The following JDP2 variants were observed in gnomAD, a reference collection of about 807,000 sequenced individuals.
JDP2 encodes progesterone receptor co-activator.
In JDP2, 9 loss-of-function variants were observed where a neutral mutation model predicts 17.1. The observed-to-expected ratio is 0.53, with a 90% confidence interval of 0.32 to 0.92. The LOEUF is 0.92. Among genes scored for constraint, JDP2 ranks in the 40% least tolerant of loss-of-function variants. JDP2 has a pLI of 0.04. For missense variants in JDP2, 179 were observed against 220.0 expected (o/e 0.81, Z 1.18); for synonymous variants, 107 against 95.6 (o/e 1.12, Z -0.69).
At chr14:75,437,562 ACCT>A (rs1490293823) in intron 1 of JDP2, among the ~76,000 whole-genome samples, 1 of 152,148 alleles carries the variant, frequency 6.6e-6, no homozygotes, top group African/African-American at 2.4e-5. Context: ...CTGTGTAATG[ACCT>A]CTGATCCAGC....
rs1302601789 is a variant in JDP2 at position 75,469,924 on chromosome 14, C to T, written c.*449C>T. 1 of 156,330 alleles carries T rather than the reference C, an allele frequency of 6.4e-6. No homozygotes were observed. The highest frequency in any genetic ancestry group is 1.4e-5 in the Non-Finnish European group (1 of 70,412). The allele number at this position is 156,330 out of a possible 1,614,324, so 9.7% of individuals were successfully genotyped here. ...AGAATGAAACTGCAACCCACCTGCC[C>T]CCAGCCCTGCCCCTCGCCCTGATGC... On this transcript the variant is annotated 3_prime_UTR_variant, in exon 4 of 4. Coordinates refer to ENST00000651602, the MANE Select transcript of JDP2 (RefSeq NM_001135048.2).
intron 2 of JDP2, among the ~76,000 whole-genome samples, chr14:75,439,857 G>A (rs559356083): frequency 6.6e-6 from 1 of 152,220 alleles, no homozygotes; most frequent in East Asian, 1.9e-4. Flanking sequence ...CAGTAAAATT[G>A]CCATTTAGAG....
In JDP2 at chr14:75,438,900, G is replaced by C. The variant is rs144113029; in HGVS notation, c.201+779G>C. On this transcript the variant is annotated intron_variant, in intron 2 of 3. Transcript: ENST00000651602. ...CCCAGGGCTGGCCGTTTCTCTGAAG[G>C]CCTGTCCCAGCAAGGTTCCCAGCAG... Among the ~76,000 whole-genome samples, 41 of 152,354 alleles carry C rather than the reference G, an allele frequency of 2.7e-4. No individual in the cohort carries two copies. The East Asian group carries it at 7.9e-3, about 29-fold the overall frequency.
intron 2 of JDP2, among the ~76,000 whole-genome samples, chr14:75,441,134 GGAGAGA>G (rs145100347): frequency 1.3e-5 from 2 of 148,702 alleles, no homozygotes; most frequent in African/African-American, 5.0e-5. Flanking sequence ...AGAGAGAGAG[GGAGAGA>G]GAGAGAGAGA....
At chr14:75,456,174 A>G (rs1886096637) in intron 2 of JDP2, among the ~76,000 whole-genome samples, 1 of 152,222 alleles carries the variant, frequency 6.6e-6, no homozygotes. Context: ...GACAAGGAGC[A>G]TAGTCAGTCC....
At position 75,432,400 on chromosome 14, in the gene JDP2, C is replaced by T. The variant is rs1005603215; in HGVS notation, c.-24+4148C>T. On this transcript the variant is annotated intron_variant, in intron 1 of 3. Transcript: ENST00000651602. Reference sequence around the variant, plus strand: ...ACCTTCTCTGTGGACTCCTGCCCTCCGCATCCGGTTCTGTCCTGGGAATCT... The same window carrying T: ...ACCTTCTCTGTGGACTCCTGCCCTCTGCATCCGGTTCTGTCCTGGGAATCT... The T allele has an allele frequency of 6.0e-5, 88 of 1,470,642 alleles. No individual in the cohort carries two copies. The African/African-American group carries it at 1.1e-3, about 18-fold the overall frequency. 91.1% of individuals were successfully genotyped at this position (1,470,642 alleles called of 1,614,324 possible).
chr14:75,426,984 T>G (rs1255026352), upstream of JDP2: 1 of 152,278 alleles, frequency 6.6e-6, no homozygotes, highest in Non-Finnish European at 1.5e-5. The surrounding 1 kb of genome is among the most constrained non-coding windows in gnomAD (Gnocchi z 4.2). Flanking sequence ...GCTCGATGGG[T>G]ACCCAGGAGC....
At chr14:75,461,909 G>A (rs1261902719) in intron 3 of JDP2, among the ~76,000 whole-genome samples, 18 of 152,220 alleles carry the variant, frequency 1.2e-4, no homozygotes, top group Admixed American at 1.2e-3. Context: ...AAGCTAGGTA[G>A]TAACATCCTG....
rs547175442 is a variant in JDP2 at position 75,439,420 on chromosome 14, T to A, written c.201+1299T>A. On this transcript the variant is annotated intron_variant, in intron 2 of 3. Transcript: ENST00000651602. The stretch of plus-strand genomic sequence containing the variant: ...AAAATTGTAAGATCTCATCATACAC[T>A]ACCCTGTTCTGGCATGGTAATGGCT... 5.9e-5 allele frequency among the ~76,000 whole-genome samples: 9 copies of A among 152,396 alleles called. No individual in the cohort carries two copies. In the East Asian group the frequency reaches 1.2e-3, roughly 20 times the overall value.
rs1886342572 is a variant in JDP2, at chr14:75,461,455, G to C, written c.231G>C (p.Arg77Ser). 1 of 1,609,530 alleles carries C rather than the reference G, an allele frequency of 6.2e-7. No individual in the cohort carries two copies. Among genetic ancestry groups the C allele is most frequent in the Non-Finnish European group, 8.5e-7 (1 of 1,178,650 alleles). ...ELDEEEERRK[R>S]RREKNKVAAA... ...ATGAGGAAGAGGAGCGAAGGAAAAG[G>C]CGCCGGGAGAAGAACAAAGTCGCAG... The change falls in exon 3 of 4, where the codon AGG becomes AGC. Residue 77 changes from arginine (R) to serine (S), a missense_variant. Physicochemically the swap from Arg to Ser is moderately radical, Grantham distance 110. Transcript: ENST00000651602.
At chr14:75,466,117 G>A (rs117585087) in intron 3 of JDP2, among the ~76,000 whole-genome samples, 3,367 of 152,274 alleles carry the variant, frequency 0.022, 44 homozygotes, top group Non-Finnish European at 0.032. Flanking sequence ...AACTCTTTGA[G>A]TGTGGAAGGC....
chr14:75,451,440 A>G (rs1885860489), intron 2 of JDP2, among the ~76,000 whole-genome samples: 2 of 152,184 alleles, frequency 1.3e-5, no homozygotes, highest in Admixed American at 6.5e-5. Flanking sequence ...CCTCAGGGAC[A>G]TCCACGTTGA....
chr14:75,466,238 T>C (rs11845619), intron 3 of JDP2, among the ~76,000 whole-genome samples: 8,311 of 152,272 alleles, frequency 0.055, 331 homozygotes, highest in Admixed American at 0.1. Context: ...GCCAAGAGTT[T>C]GAGACCAGCC....
intron 3 of JDP2, among the ~76,000 whole-genome samples, chr14:75,465,299 T>C (rs1886523553): frequency 0.012 from 1 of 86 alleles, no homozygotes; most frequent in African/African-American, 0.05. Context: ...AGAATAGCTT[T>C]TTAAAAAATA....
At chr14:75,454,173 T>TCCCCTCCTTTAAGC (rs57448546) in intron 2 of JDP2, among the ~76,000 whole-genome samples, 113,812 of 151,466 alleles carry the variant, frequency 0.75, 43,507 homozygotes, top group African/African-American at 0.88. Context: ...GCTGGTGACG[T>TCCCCTCCTTTAAGC]CCCCTCCTTT....
intron 2 of JDP2, among the ~76,000 whole-genome samples, chr14:75,449,249 G>T (rs1307822247): frequency 6.6e-6 from 1 of 152,208 alleles, no homozygotes; most frequent in Non-Finnish European, 1.5e-5. Flanking sequence ...AAAGACAAAT[G>T]ACTTCCAAAG....
At chr14:75,446,837 T>A (rs1432226085) in intron 2 of JDP2, among the ~76,000 whole-genome samples, 1 of 152,186 alleles carries the variant, frequency 6.6e-6, no homozygotes, top group African/African-American at 2.4e-5. Context: ...AAAGTGCTTT[T>A]AAAAATGGAG....
At chr14:75,454,137 A>G (rs998782868) in intron 2 of JDP2, among the ~76,000 whole-genome samples, 1 of 152,122 alleles carries the variant, frequency 6.6e-6, no homozygotes, top group Admixed American at 6.5e-5. Flanking sequence ...AAACACGGAA[A>G]TGGGTGAGGG....
At chr14:75,429,531 C>A (rs747717167) in intron 1 of JDP2, among the ~76,000 whole-genome samples, 2 of 152,156 alleles carry the variant, frequency 1.3e-5, no homozygotes, top group African/African-American at 4.8e-5. Context: ...TCCCTTCCCC[C>A]CAACCTTCCT....
Sources: gnomAD v4.1 joint callset for allele counts (sites outside exome capture counted in the v4.1 genomes callset) on GRCh38, gnomAD v4.1.1 for gene constraint, Gnocchi (gnomAD v3.1) non-coding constraint, MANE v1.5 for transcripts, NCBI Gene and HGNC (gene_info 2026-07-23, HGNC 2026-07-21) for gene names.